SLC44A5: variants seen among roughly 807,000 people sequenced by gnomAD.
SLC44A5 encodes the protein solute carrier family 44 member 5, also known as choline transporter-like protein 5.
SLC44A5 carries 57 observed loss-of-function variants against 101.8 expected under a neutral mutation model. That is an observed-to-expected ratio of 0.56 (90% CI 0.45 to 0.70). The LOEUF (loss-of-function observed/expected upper bound fraction) is 0.70. SLC44A5 is among the 30% of genes least tolerant of loss of function. The pLI, the probability that SLC44A5 is intolerant of heterozygous loss-of-function variation, is 0.00. For missense variants in SLC44A5, 737 were observed against 853.1 expected, an observed-to-expected ratio of 0.86 and a Z score of 1.70; for synonymous variants, 281 against 290.9, an observed-to-expected ratio of 0.97 and a Z score of 0.35.
intron 4 of SLC44A5, among the ~76,000 whole-genome samples, chr1:75,334,120 C>T (rs1309236907): frequency 6.6e-6 from 1 of 152,150 alleles, no homozygotes; most frequent in African/African-American, 2.4e-5. Flanking sequence ...ATTTATGTTA[C>T]AGTATTTATC....
intron 2 of SLC44A5, among the ~76,000 whole-genome samples, chr1:75,470,526 A>T (rs2101727962): frequency 6.6e-6 from 1 of 152,304 alleles, no homozygotes; most frequent in South Asian, 2.1e-4. Context: ...ATATAGTGTG[A>T]AGACTACCAA....
chr1:75,656,834 A>C, the SLC44A5 span, among the ~76,000 whole-genome samples: 2 of 152,210 alleles, frequency 1.3e-5, no homozygotes, highest in African/African-American at 4.8e-5. Flanking sequence ...ATCCATAATA[A>C]CATGAACTAA....
Position 75,420,364 on chromosome 1 carries a change from G to C in SLC44A5, c.14-23743C>G, listed in dbSNP as rs150548409. ...TAGATAAAGTACAATAATAAAAAATGCTCATTCAAAAAGAAGGAAAGAAAA... is the reference window on the plus strand; with the variant it reads ...TAGATAAAGTACAATAATAAAAAATCCTCATTCAAAAAGAAGGAAAGAAAA... On this transcript the variant is annotated intron_variant, in intron 2 of 23. Transcript: ENST00000370859. Among the ~76,000 whole-genome samples the C allele has an allele frequency of 2.4e-4, 36 of 151,846 alleles. No homozygotes were observed. In the East Asian group the frequency reaches 6.6e-3, roughly 28 times the overall value.
intron 2 of SLC44A5, among the ~76,000 whole-genome samples, chr1:75,397,847 T>A (rs1263336035): frequency 6.6e-6 from 1 of 152,024 alleles, no homozygotes; most frequent in Non-Finnish European, 1.5e-5. Context: ...ATGAGAAAAA[T>A]AAAGATTACT....
chr1:75,461,406 G>A (rs139177213), intron 2 of SLC44A5, among the ~76,000 whole-genome samples: 36 of 152,146 alleles, frequency 2.4e-4, no homozygotes, highest in South Asian at 8.3e-4. Context: ...AATCCAAAGA[G>A]GTAAATAATA....
the SLC44A5 span, among the ~76,000 whole-genome samples, chr1:75,654,877 C>T: frequency 5.3e-5 from 8 of 152,140 alleles, no homozygotes; most frequent in Non-Finnish European, 1.0e-4. Context: ...CTCGAAAGTA[C>T]TGGACTGCTA....
At chr1:75,375,386 G>C (rs1232528902) in intron 3 of SLC44A5, among the ~76,000 whole-genome samples, 1 of 152,212 alleles carries the variant, frequency 6.6e-6, no homozygotes, top group Admixed American at 6.5e-5. Flanking sequence ...AGAGAGAAGA[G>C]AGAGTAAGCA....
At chr1:75,480,296 A>G (rs1667754175) in intron 2 of SLC44A5, among the ~76,000 whole-genome samples, 1 of 152,240 alleles carries the variant, frequency 6.6e-6, no homozygotes, top group Non-Finnish European at 1.5e-5. Context: ...AGCCAATATC[A>G]TACTGAATGG....
intron 10 of SLC44A5, among the ~76,000 whole-genome samples, chr1:75,238,006 C>A (rs1461066654): frequency 6.7e-6 from 1 of 150,212 alleles, no homozygotes; most frequent in Non-Finnish European, 1.5e-5. Context: ...TGTGTAGAGC[C>A]AAGGGACGTG....
chr1:75,533,363 T>C (rs1345218719), intron 2 of SLC44A5, among the ~76,000 whole-genome samples: 1 of 152,204 alleles, frequency 6.6e-6, no homozygotes, highest in Non-Finnish European at 1.5e-5. Flanking sequence ...GAAAACCTTA[T>C]CATTAATTAT....
chr1:75,435,322 GCTAT>G (rs1262704896), intron 2 of SLC44A5, among the ~76,000 whole-genome samples: 4 of 152,080 alleles, frequency 2.6e-5, no homozygotes, highest in Admixed American at 1.3e-4. Flanking sequence ...TAAGATAAAT[GCTAT>G]CTGTGTGGTT....
At chr1:75,545,392 C>G (rs1158470340) in intron 1 of SLC44A5, among the ~76,000 whole-genome samples, 3 of 152,144 alleles carry the variant, frequency 2.0e-5, no homozygotes, top group African/African-American at 7.2e-5. Flanking sequence ...ATTGCTGGGT[C>G]AAATGGTATT....
chr1:75,257,709 G>A (rs2100673872), intron 6 of SLC44A5, among the ~76,000 whole-genome samples: 1 of 152,224 alleles, frequency 6.6e-6, no homozygotes, highest in South Asian at 2.1e-4. Context: ...GCTTCTACTG[G>A]GTCTCACACC....
At chr1:75,424,592 T>G (rs1406040669) in intron 2 of SLC44A5, among the ~76,000 whole-genome samples, 1 of 152,184 alleles carries the variant, frequency 6.6e-6, no homozygotes, top group Non-Finnish European at 1.5e-5. Context: ...CCTGATACAT[T>G]ATCATAACTT....
At chr1:75,651,885 G>A in the SLC44A5 span, among the ~76,000 whole-genome samples, 9 of 151,920 alleles carry the variant, frequency 5.9e-5, no homozygotes, top group Non-Finnish European at 1.0e-4. Context: ...GGTTGTGATC[G>A]GGCAGTTGTT....
chr1:75,552,507 T>A lies in SLC44A5; in HGVS notation c.-69-10991A>T, dbSNP rs182800249. 2.0e-5 allele frequency among the ~76,000 whole-genome samples: 3 copies of A among 152,154 alleles called. No homozygotes were observed. In the East Asian group the frequency reaches 5.8e-4, roughly 29 times the overall value. Reference sequence around the variant, plus strand: ...TATAGGCTGAAATTTGAAAACAGACTCTCATATAGGCATTCTATATGCCAA... The same window carrying A: ...TATAGGCTGAAATTTGAAAACAGACACTCATATAGGCATTCTATATGCCAA... On this transcript the variant is annotated intron_variant, in intron 1 of 23. Coordinates refer to ENST00000370859, the MANE Select transcript of SLC44A5 (RefSeq NM_001130058.2).
At chr1:75,584,959 C>T (rs1433819107) in intron 1 of SLC44A5, among the ~76,000 whole-genome samples, 1 of 152,156 alleles carries the variant, frequency 6.6e-6, no homozygotes, top group Non-Finnish European at 1.5e-5. Flanking sequence ...GCAAATAACA[C>T]ATAACTTATC....
intron 23 of SLC44A5, among the ~76,000 whole-genome samples, chr1:75,204,258 G>C (rs1488686008): frequency 6.6e-6 from 1 of 152,080 alleles, no homozygotes; most frequent in Non-Finnish European, 1.5e-5. Context: ...CACATCAACT[G>C]CAAATTTTGA....
At chr1:75,588,977 C>T (rs563134400) in intron 1 of SLC44A5, among the ~76,000 whole-genome samples, 1 of 152,212 alleles carries the variant, frequency 6.6e-6, no homozygotes, top group Admixed American at 6.5e-5. Context: ...AAGAGAAATG[C>T]CAGAGTTTCA....
Sources: gnomAD v4.1 joint callset for allele counts (sites outside exome capture counted in the v4.1 genomes callset) on GRCh38, gnomAD v4.1.1 for gene constraint, MANE v1.5 for transcripts, NCBI Gene and HGNC (gene_info 2026-07-23, HGNC 2026-07-21) for gene names.